OSBPL6: variants seen among roughly 807,000 people sequenced by gnomAD.
The protein encoded by OSBPL6 is oxysterol-binding protein-related protein 6.
A neutral mutation model predicts 125.8 loss-of-function variants in OSBPL6; 49 were observed. The ratio of observed to expected loss-of-function variants is 0.39; its 90% confidence interval spans 0.31 to 0.49. The LOEUF is 0.49. Ranked by LOEUF, OSBPL6 falls within the 20% of genes least tolerant of loss-of-function variation. OSBPL6 has a pLI of 0.88. For synonymous variants in OSBPL6, 394 were observed against 391.8 expected, an observed-to-expected ratio of 1.01 and a Z score of -0.07; for missense variants, 986 against 1,135.4, an observed-to-expected ratio of 0.87 and a Z score of 1.89.
chr2:178,308,057 A>G (rs184709654), intron 3 of OSBPL6, among the ~76,000 whole-genome samples: 1 of 152,336 alleles, frequency 6.6e-6, no homozygotes, highest in Non-Finnish European at 1.5e-5. Flanking sequence ...TAGAAAAGTA[A>G]GAGACGCTTT....
Position 178,361,586 on chromosome 2 carries a change from T to C in OSBPL6, c.1154-96T>C. On this transcript the variant is annotated intron_variant, in intron 12 of 24. Transcript: ENST00000190611. ...ACTATTACATAGCCTTTCCAAAAAA[T>C]GCCTATTTGTGAGTGAAAGTCTGGA... 4.2e-6 allele frequency: 6 copies of C among 1,442,830 alleles called. No homozygotes were observed. In the Admixed American group the frequency reaches 6.1e-5, roughly 15 times the overall value. The allele number at this position is 1,442,830 out of a possible 1,614,324, so 89.4% of individuals were successfully genotyped here. A position where few individuals can be genotyped will look rare whatever the true frequency, so the allele number is the denominator to read the frequency against.
At chr2:178,302,743 A>G (rs1290806454) in intron 2 of OSBPL6, among the ~76,000 whole-genome samples, 1 of 152,210 alleles carries the variant, frequency 6.6e-6, no homozygotes, top group African/African-American at 2.4e-5. Flanking sequence ...TATCATAAAC[A>G]AGTTATCCTG....
chr2:178,375,248 T>C (rs890133162), intron 15 of OSBPL6, among the ~76,000 whole-genome samples: 18 of 152,088 alleles, frequency 1.2e-4, no homozygotes, highest in African/African-American at 4.3e-4. Context: ...TCACCCTCCA[T>C]CATAGGGATA....
Position 178,359,028 on chromosome 2 carries a change from T to G in OSBPL6, c.1154-2654T>G, listed in dbSNP as rs142178861. On this transcript the variant is annotated intron_variant, in intron 12 of 24. Coordinates refer to ENST00000190611, the MANE Select transcript of OSBPL6 (RefSeq NM_032523.4). ...CCACAAAAAATAAAATTAAAAAAAT[T>G]AGCCAGGCATGTTAATGTGTGCCTG... 1.9e-3 allele frequency among the ~76,000 whole-genome samples: 293 copies of G among 152,050 alleles called. 1 individual carries two copies. Among genetic ancestry groups the G allele is most frequent in the African/African-American group, 6.8e-3 (282 of 41,494 alleles).
chr2:178,379,404 A>AG (rs1456082076), intron 15 of OSBPL6, among the ~76,000 whole-genome samples: 1 of 143,232 alleles, frequency 7.0e-6, no homozygotes, highest in Non-Finnish European at 1.5e-5. Flanking sequence ...GCAGGGAGGG[A>AG]GGGAAAGAAA....
chr2:178,263,631 CA>C (rs1005193317), intron 1 of OSBPL6, among the ~76,000 whole-genome samples: 1 of 152,154 alleles, frequency 6.6e-6, no homozygotes, highest in Non-Finnish European at 1.5e-5. Flanking sequence ...ACTAGAAACC[CA>C]GACATCTGAC....
chr2:178,392,605 C>T, intron 23 of OSBPL6, 67 bp downstream of exon 23: 4 of 1,566,128 alleles, frequency 2.6e-6, no homozygotes, highest in Non-Finnish European at 3.5e-6. Flanking sequence ...CCTATAATCC[C>T]AGCACTTTAG....
chr2:178,239,957 T>TG (rs1217689368), intron 1 of OSBPL6, among the ~76,000 whole-genome samples: 1 of 152,158 alleles, frequency 6.6e-6, no homozygotes, highest in Non-Finnish European at 1.5e-5. Flanking sequence ...AATCAAATTT[T>TG]AATACTTTGT....
chr2:178,377,325 C>A (rs1043742347), intron 15 of OSBPL6, among the ~76,000 whole-genome samples: 3 of 152,196 alleles, frequency 2.0e-5, no homozygotes, highest in Non-Finnish European at 4.4e-5. Flanking sequence ...ACTACCAGAT[C>A]ACGCAAGAAC....
rs1238163616 is a variant in OSBPL6, at chr2:178,364,549, C to T, written c.1287+2734C>T. Among the ~76,000 whole-genome samples the T allele has an allele frequency of 2.0e-5, 3 of 152,076 alleles. 1 individual carries two copies. Among genetic ancestry groups the T allele is most frequent in the Non-Finnish European group, 4.4e-5 (3 of 68,010 alleles). ...AGAATCAGCATGGCTTGGAGATCAGCGGAATGTTAGAGAGGGACAAGGACA... is the reference window on the plus strand; with the variant it reads ...AGAATCAGCATGGCTTGGAGATCAGTGGAATGTTAGAGAGGGACAAGGACA... On this transcript the variant is annotated intron_variant, in intron 13 of 24. Coordinates refer to ENST00000190611, the MANE Select transcript of OSBPL6 (RefSeq NM_032523.4).
At chr2:178,203,469 G>GT (rs1406594943) in intron 1 of OSBPL6, among the ~76,000 whole-genome samples, 4 of 152,152 alleles carry the variant, frequency 2.6e-5, no homozygotes, top group Non-Finnish European at 5.9e-5. Context: ...AAATATCTCC[G>GT]TATCTCTACT....
intron 3 of OSBPL6, among the ~76,000 whole-genome samples, chr2:178,315,752 A>G (rs1351605392): frequency 1.3e-5 from 2 of 152,214 alleles, no homozygotes; most frequent in Admixed American, 1.3e-4. Flanking sequence ...ACAGGGCCAC[A>G]GTATCATGAG....
intron 1 of OSBPL6, among the ~76,000 whole-genome samples, chr2:178,225,910 A>G (rs1473828799): frequency 6.6e-6 from 1 of 152,238 alleles, no homozygotes; most frequent in Admixed American, 6.5e-5. Flanking sequence ...GTGAGAACAC[A>G]GAGCCAAACC....
At chr2:178,336,647 C>T (rs913077365) in intron 9 of OSBPL6, among the ~76,000 whole-genome samples, 2 of 152,196 alleles carry the variant, frequency 1.3e-5, no homozygotes, top group Non-Finnish European at 2.9e-5. Context: ...CTCTTGCACC[C>T]TCACAGCAGT....
intron 1 of OSBPL6, among the ~76,000 whole-genome samples, chr2:178,269,061 T>G (rs2092314526): frequency 6.6e-6 from 1 of 152,236 alleles, no homozygotes; most frequent in Non-Finnish European, 1.5e-5. Context: ...CTTGTTCTCC[T>G]GTGTGTCAGT....
intron 23 of OSBPL6, 46 bp from the exon 24 acceptor site, chr2:178,394,267 C>T: frequency 6.3e-7 from 1 of 1,589,502 alleles, no homozygotes; most frequent in Non-Finnish European, 8.5e-7. Flanking sequence ...TTTTTTCCCC[C>T]AGAAAAGAGG....
chr2:178,344,932 G>A (rs1387302398), intron 11 of OSBPL6, among the ~76,000 whole-genome samples: 1 of 151,260 alleles, frequency 6.6e-6, no homozygotes, highest in Non-Finnish European at 1.5e-5. Flanking sequence ...AAACTGTAGT[G>A]TGGAAATGAC....
chr2:178,363,264 C>T (rs1042510220), intron 13 of OSBPL6, among the ~76,000 whole-genome samples: 3 of 152,220 alleles, frequency 2.0e-5, no homozygotes, highest in African/African-American at 7.2e-5. Context: ...ATAAAGATCT[C>T]GGGTCGGGCT....
At chr2:178,302,442 A>C (rs1052514814) in intron 2 of OSBPL6, among the ~76,000 whole-genome samples, 1 of 152,216 alleles carries the variant, frequency 6.6e-6, no homozygotes. Context: ...TACACTCTAA[A>C]GAATAACCTT....
Sources: allele counts gnomAD v4.1 joint callset (sites outside exome capture counted in the v4.1 genomes callset), GRCh38; gene constraint gnomAD v4.1.1; transcripts MANE v1.5; gene names NCBI Gene and HGNC (gene_info 2026-07-23, HGNC 2026-07-21).